RNF152: variants seen among roughly 807,000 people sequenced by gnomAD.
RNF152 encodes E3 ubiquitin-protein ligase RNF152.
RNF152 carries 11 observed loss-of-function variants against 12.7 expected under a neutral mutation model. The ratio of observed to expected loss-of-function variants is 0.86; its 90% CI spans 0.54 to 1.43. The LOEUF is 1.43. Among genes scored for constraint, RNF152 ranks in the 40% most tolerant of loss-of-function variants. The pLI, the probability that RNF152 is intolerant of heterozygous loss-of-function variation, is 0.00. For missense variants in RNF152, 255 were observed against 274.8 expected (o/e 0.93, Z 0.51); for synonymous variants, 113 against 120.3 (o/e 0.94, Z 0.40).
chr18:61,851,410 C>G (rs933902793), intron 1 of RNF152, among the ~76,000 whole-genome samples: 1 of 152,156 alleles, frequency 6.6e-6, no homozygotes. Flanking sequence ...GGAGAAAACA[C>G]TTACCCAAGC....
At chr18:61,837,927 C>G (rs563642828) in intron 1 of RNF152, among the ~76,000 whole-genome samples, 15 of 152,266 alleles carry the variant, frequency 9.9e-5, no homozygotes, top group Admixed American at 6.5e-4. Context: ...CAACAAAATC[C>G]AGGCCTCATC....
At chr18:61,834,635 A>G (rs1351719181) in intron 1 of RNF152, among the ~76,000 whole-genome samples, 1 of 152,140 alleles carries the variant, frequency 6.6e-6, no homozygotes, top group African/African-American at 2.4e-5. Flanking sequence ...GTAAGTGCTC[A>G]ATAAATGCTT....
At chr18:61,848,689 G>C (rs574713544) in intron 1 of RNF152, among the ~76,000 whole-genome samples, 1 of 152,200 alleles carries the variant, frequency 6.6e-6, no homozygotes, top group Non-Finnish European at 1.5e-5. Context: ...AGGGTGGAGG[G>C]GGCAAGACAG....
intron 1 of RNF152, among the ~76,000 whole-genome samples, chr18:61,882,846 C>T (rs200396726): frequency 4.6e-5 from 7 of 152,122 alleles, no homozygotes; most frequent in Non-Finnish European, 1.0e-4. Context: ...ACACTGGGTG[C>T]TGAGTACACA....
intron 1 of RNF152, among the ~76,000 whole-genome samples, chr18:61,852,380 T>C (rs1911021993): frequency 6.6e-6 from 1 of 152,224 alleles, no homozygotes; most frequent in South Asian, 2.1e-4. Context: ...CACCAGGACA[T>C]ACCAATCTGT....
intron 1 of RNF152, among the ~76,000 whole-genome samples, chr18:61,824,186 C>T (rs80114471): frequency 0.075 from 11,432 of 152,268 alleles, 522 homozygotes; most frequent in African/African-American, 0.12. Flanking sequence ...CCAATCATTA[C>T]TATTAGGAAT....
At chr18:61,887,490 G>A (rs200953577) in intron 1 of RNF152, among the ~76,000 whole-genome samples, 19 of 152,244 alleles carry the variant, frequency 1.2e-4, no homozygotes, top group East Asian at 3.9e-4. Flanking sequence ...AGCCCAAGGC[G>A]GGTGGATCAC....
At chr18:61,879,466 G>T (rs1912360068) in intron 1 of RNF152, among the ~76,000 whole-genome samples, 2 of 152,150 alleles carry the variant, frequency 1.3e-5, no homozygotes, top group African/African-American at 4.8e-5. Flanking sequence ...CATAGATACT[G>T]AGTGACGACT....
chr18:61,882,290 AAAAT>A (rs1354384233), intron 1 of RNF152, among the ~76,000 whole-genome samples: 1 of 152,256 alleles, frequency 6.6e-6, no homozygotes, highest in East Asian at 1.9e-4. Context: ...TGTGTGTGTA[AAAAT>A]AAAGGCAATT....
At chr18:61,871,220 A>C (rs1370924047) in intron 1 of RNF152, among the ~76,000 whole-genome samples, 1 of 146,110 alleles carries the variant, frequency 6.8e-6, no homozygotes, top group Non-Finnish European at 1.5e-5. Flanking sequence ...CACCCCAAAA[A>C]AAAACAGAAG....
chr18:61,829,016 G>A (rs920791177), intron 1 of RNF152, among the ~76,000 whole-genome samples: 5 of 152,266 alleles, frequency 3.3e-5, no homozygotes, highest in Middle Eastern at 6.8e-3. Context: ...TGAGGACTCA[G>A]CAGACACAAA....
chr18:61,847,428 ACT>A (rs769246271), intron 1 of RNF152, among the ~76,000 whole-genome samples: 3 of 152,172 alleles, frequency 2.0e-5, no homozygotes, highest in Non-Finnish European at 2.9e-5. Context: ...CAGTGGCAAA[ACT>A]CTCTCAACTC....
intron 1 of RNF152, among the ~76,000 whole-genome samples, chr18:61,866,779 C>T (rs1186418843): frequency 6.6e-6 from 1 of 152,228 alleles, no homozygotes; most frequent in Admixed American, 6.5e-5. Flanking sequence ...GCAGCTCTGG[C>T]TTTCCCCTAC....
intron 1 of RNF152, among the ~76,000 whole-genome samples, chr18:61,882,540 T>C (rs1032645282): frequency 1.3e-5 from 2 of 152,218 alleles, no homozygotes; most frequent in African/African-American, 4.8e-5. Context: ...CTAATCACTG[T>C]TGCTGGCAAT....
At chr18:61,829,872 G>A (rs1001065728) in intron 1 of RNF152, among the ~76,000 whole-genome samples, 8 of 152,124 alleles carry the variant, frequency 5.3e-5, no homozygotes, top group African/African-American at 1.9e-4. Context: ...TGTGGGGCTT[G>A]TGAAGACTTC....
chr18:61,855,910 G>C (rs1911210097), intron 1 of RNF152, among the ~76,000 whole-genome samples: 1 of 152,144 alleles, frequency 6.6e-6, no homozygotes, highest in Non-Finnish European at 1.5e-5. Flanking sequence ...TGAGTAAACT[G>C]AAAGAGAGTA....
At chr18:61,823,372 C>T (rs938163969) in intron 1 of RNF152, among the ~76,000 whole-genome samples, 2 of 152,158 alleles carry the variant, frequency 1.3e-5, no homozygotes, top group South Asian at 2.1e-4. Flanking sequence ...CTTGGCTCAC[C>T]GCAACCTCCG....
chr18:61,870,995 C>G (rs1375565749), intron 1 of RNF152, among the ~76,000 whole-genome samples: 1 of 152,178 alleles, frequency 6.6e-6, no homozygotes, highest in Non-Finnish European at 1.5e-5. Context: ...AATGGCACCC[C>G]AAGGCCCTGC....
At chr18:61,868,671 C>T (rs1911848330) in intron 1 of RNF152, among the ~76,000 whole-genome samples, 1 of 152,020 alleles carries the variant, frequency 6.6e-6, no homozygotes. Context: ...CATTGCACTC[C>T]TGCCTGGGCA....
Sources: gnomAD v4.1 joint callset for allele counts (sites outside exome capture counted in the v4.1 genomes callset) on GRCh38, gnomAD v4.1.1 for gene constraint, MANE v1.5 for transcripts, NCBI Gene and HGNC (gene_info 2026-07-23, HGNC 2026-07-21) for gene names.